The following EPB41 variants were observed in gnomAD, a reference collection of about 807,000 sequenced individuals.
The protein encoded by EPB41 is protein 4.1.
EPB41 carries 65 observed loss-of-function variants against 108.0 expected under a neutral mutation model. That is an observed-to-expected ratio of 0.60 (90% CI 0.49 to 0.74). EPB41 has a LOEUF of 0.74. EPB41 is among the 30% of genes least tolerant of loss of function. EPB41 has a pLI of 0.00. For synonymous variants in EPB41, 336 were observed against 358.9 expected (o/e 0.94, Z 0.72); for missense variants, 875 against 1,037.0 (o/e 0.84, Z 2.15).
At position 29,018,464 on chromosome 1, in the gene EPB41, G is replaced by A. The variant is rs746718791; in HGVS notation, c.1124+22G>A. 2 of 1,602,146 alleles carry A rather than the reference G, an allele frequency of 1.2e-6. No individual in the cohort carries two copies. The highest frequency in any genetic ancestry group is 2.2e-5 in the East Asian group (1 of 44,454). On this transcript the variant is annotated intron_variant, in intron 7 of 20. Coordinates refer to ENST00000343067, the MANE Select transcript of EPB41 (RefSeq NM_001376013.1). The surrounding 1 kb of genome is among the most constrained non-coding windows in gnomAD (Gnocchi z 4.4). ...ACAGGTGAATATGTCTCCAGGGTTT[G>A]TTCGGTGTTTGTTTTGGCGATTAGT... is the stretch of plus-strand genomic sequence containing the variant.
intron 10 of EPB41, among the ~76,000 whole-genome samples, chr1:29,037,636 G>A (rs1639999722): frequency 6.7e-6 from 1 of 149,310 alleles, no homozygotes; most frequent in East Asian, 2.0e-4. Flanking sequence ...AGGCTGTAGT[G>A]CAGTGGCGCA....
chr1:28,907,959 T>G (rs1262405124), intron 1 of EPB41, among the ~76,000 whole-genome samples: 1 of 152,122 alleles, frequency 6.6e-6, no homozygotes, highest in East Asian at 1.9e-4. Flanking sequence ...TGTGAGCCCC[T>G]GCACAGCCCC....
intron 15 of EPB41, among the ~76,000 whole-genome samples, chr1:29,064,635 T>C (rs954885158): frequency 2.0e-5 from 3 of 152,174 alleles, no homozygotes; most frequent in African/African-American, 7.2e-5. Context: ...CTGAGGCTAA[T>C]TGAGTTGTGG....
chr1:28,973,298 T>G (rs1161396213), intron 1 of EPB41, among the ~76,000 whole-genome samples: 1 of 152,190 alleles, frequency 6.6e-6, no homozygotes, highest in Non-Finnish European at 1.5e-5. Flanking sequence ...ATATAGCCCT[T>G]CTCTGGTGTC....
chr1:29,012,584 C>T (rs2149954565), intron 5 of EPB41, among the ~76,000 whole-genome samples: 1 of 152,218 alleles, frequency 6.6e-6, no homozygotes. Flanking sequence ...AGTTCCAGGC[C>T]CAATGGCTAA....
At chr1:28,887,133 TG>T, upstream of EPB41, 1 of 923,580 alleles carries the variant, frequency 1.1e-6, no homozygotes, top group Non-Finnish European at 1.5e-6. This position sits in a 1 kb window ranked among gnomAD's most constrained non-coding sequence, Gnocchi z 4.9. Context: ...CGGGGCAAAG[TG>T]GCAGGAACCT....
rs11807150 is a variant in EPB41, at chr1:29,022,874, G to A, written c.1124+4432G>A. 7.3e-3 allele frequency among the ~76,000 whole-genome samples: 1,114 copies of A among 152,188 alleles called. 33 individuals are homozygous for A. The highest frequency in any genetic ancestry group is 0.026 in the African/African-American group (1,081 of 41,446). On this transcript the variant is annotated intron_variant, in intron 7 of 20. Transcript: ENST00000343067. The stretch of plus-strand genomic sequence containing the variant: ...TTGGGAGAATTCAGCTGTCTTCTAT[G>A]CCAGACATTGAAGAGATTTGTAAAT...
At chr1:29,008,535 G>A (rs2096448663) in intron 4 of EPB41, among the ~76,000 whole-genome samples, 1 of 152,156 alleles carries the variant, frequency 6.6e-6, no homozygotes, top group African/African-American at 2.4e-5. Context: ...AAGACTGTCT[G>A]ACTTCAAAGC....
Position 28,918,099 on chromosome 1 carries a change from T to C in EPB41, c.-8+3331T>C, listed in dbSNP as rs1462550893. ...TAGATGTAGACCACAGTCTGTTTCC[T>C]TGTTATCTAAGAGGCAGGACAGCAT... On this transcript the variant is annotated intron_variant, in intron 1 of 20. Coordinates refer to ENST00000343067, the MANE Select transcript of EPB41 (RefSeq NM_001376013.1). 3.9e-5 allele frequency among the ~76,000 whole-genome samples: 6 copies of C among 152,230 alleles called. No individual in the cohort carries two copies. The South Asian group carries it at 1.2e-3, about 32-fold the overall frequency.
intron 15 of EPB41, among the ~76,000 whole-genome samples, 160 bp downstream of exon 15, chr1:29,060,644 A>G (rs1315855472): frequency 1.3e-5 from 2 of 152,210 alleles, no homozygotes; most frequent in Non-Finnish European, 2.9e-5. Flanking sequence ...GAACATGAAG[A>G]TATGCAAACA....
At chr1:28,930,103 C>G (rs894665036) in intron 1 of EPB41, among the ~76,000 whole-genome samples, 8 of 150,266 alleles carry the variant, frequency 5.3e-5, no homozygotes, top group Non-Finnish European at 5.9e-5. Context: ...CTAGATTTAC[C>G]TATTCTAGAC....
chr1:28,905,087 TA>T (rs1034716958), intron 1 of EPB41, among the ~76,000 whole-genome samples: 2 of 147,878 alleles, frequency 1.4e-5, no homozygotes, highest in Non-Finnish European at 3.0e-5. Flanking sequence ...TAATCCTAGC[TA>T]CTTGGGAGGC....
intron 7 of EPB41, among the ~76,000 whole-genome samples, chr1:29,021,640 T>TG (rs1213397665): frequency 6.6e-6 from 1 of 151,330 alleles, no homozygotes; most frequent in African/African-American, 2.4e-5. Flanking sequence ...TGGAGTGCAG[T>TG]GGGGTGATCT....
At chr1:29,112,810 C>T (rs1669629750) in intron 19 of EPB41, among the ~76,000 whole-genome samples, 1 of 152,182 alleles carries the variant, frequency 6.6e-6, no homozygotes. Context: ...ACTGGATGAA[C>T]AGCTGGTGGC....
At chr1:28,964,606 CAAAT>C (rs768748075) in intron 1 of EPB41, among the ~76,000 whole-genome samples, 16 of 151,552 alleles carry the variant, frequency 1.1e-4, no homozygotes, top group African/African-American at 4.9e-5. Flanking sequence ...GACTCTGTCT[CAAAT>C]AAATAAATAA....
At chr1:28,997,006 G>A (rs2096194947) in intron 3 of EPB41, among the ~76,000 whole-genome samples, 1 of 152,006 alleles carries the variant, frequency 6.6e-6, no homozygotes, top group South Asian at 2.1e-4. Flanking sequence ...TTAAAAATTA[G>A]TCAGGCATGG....
chr1:29,067,403 G>A (rs547939059), intron 16 of EPB41, among the ~76,000 whole-genome samples: 23 of 150,274 alleles, frequency 1.5e-4, no homozygotes, highest in African/African-American at 4.7e-4. Flanking sequence ...GGCTGAGGCA[G>A]GAGAATGGCG....
chr1:29,045,384 C>T (rs1417150706), intron 11 of EPB41, among the ~76,000 whole-genome samples: 1 of 152,016 alleles, frequency 6.6e-6, no homozygotes, highest in Non-Finnish European at 1.5e-5. Context: ...GATAGGGTCT[C>T]ACTCTGTCAT....
At chr1:28,997,415 TG>T (rs2096205308) in intron 4 of EPB41, 96 bp downstream of exon 4, 2 of 785,464 alleles carry the variant, frequency 2.5e-6, no homozygotes, top group Admixed American at 3.8e-5. Flanking sequence ...TCTAAGCCAG[TG>T]TTCTTAGAGT....
Sources: gnomAD v4.1 joint callset for allele counts (sites outside exome capture counted in the v4.1 genomes callset) on GRCh38, gnomAD v4.1.1 for gene constraint, Gnocchi (gnomAD v3.1) non-coding constraint, MANE v1.5 for transcripts, NCBI Gene and HGNC (gene_info 2026-07-23, HGNC 2026-07-21) for gene names.